The following SH3RF3 variants were observed in gnomAD, a reference collection of about 807,000 sequenced individuals.
SH3RF3 encodes E3 ubiquitin-protein ligase SH3RF3.
Under a neutral mutation model 66.3 loss-of-function variants are expected in SH3RF3, and 29 were observed. The ratio of observed to expected loss-of-function variants is 0.44; its 90% CI spans 0.33 to 0.60. The LOEUF is 0.60. Among genes scored for constraint, SH3RF3 ranks in the 20% least tolerant of loss-of-function variants. The probability of loss-of-function intolerance (pLI) is 0.04; values close to 1 mark genes in which losing one functional copy is unlikely to be tolerated. For missense variants in SH3RF3, 1,194 were observed against 1,190.9 expected (o/e 1.00, Z -0.04); for synonymous variants, 583 against 532.0 (o/e 1.10, Z -1.32).
intron 8 of SH3RF3, among the ~76,000 whole-genome samples, chr2:109,464,824 C>T (rs949524768): frequency 2.0e-5 from 3 of 152,168 alleles, no homozygotes; most frequent in Non-Finnish European, 2.9e-5. Context: ...ACATCATTAC[C>T]CAATGTCCAT....
intron 2 of SH3RF3, among the ~76,000 whole-genome samples, chr2:109,366,071 T>C (rs1331476077): frequency 6.6e-6 from 1 of 152,150 alleles, no homozygotes; most frequent in Non-Finnish European, 1.5e-5. Context: ...ATTTGAAAAA[T>C]AGGAAAGAAA....
At chr2:109,212,302 T>C (rs956173629) in intron 1 of SH3RF3, among the ~76,000 whole-genome samples, 11 of 152,166 alleles carry the variant, frequency 7.2e-5, no homozygotes, top group African/African-American at 2.7e-4. Context: ...GTTGGCTCGC[T>C]ATGGAGGAGG....
chr2:109,379,020 C>CGA (rs1553514167), intron 3 of SH3RF3, among the ~76,000 whole-genome samples: 1 of 152,204 alleles, frequency 6.6e-6, no homozygotes, highest in African/African-American at 2.4e-5. Flanking sequence ...ATCCAGAACT[C>CGA]TGTCTTCTCA....
intron 4 of SH3RF3, among the ~76,000 whole-genome samples, chr2:109,408,601 G>A (rs922268264): frequency 3.3e-5 from 5 of 152,206 alleles, no homozygotes; most frequent in African/African-American, 1.2e-4. Flanking sequence ...GCTTCGCTGC[G>A]GCAAGAGAGT....
chr2:109,489,512 A>G (rs138975482), intron 8 of SH3RF3, among the ~76,000 whole-genome samples: 4,160 of 152,208 alleles, frequency 0.027, 115 homozygotes, highest in African/African-American at 0.067. Flanking sequence ...GGGAGGAGAA[A>G]GCAGATGACA....
chr2:109,380,633 G>A (rs576108756), intron 3 of SH3RF3, among the ~76,000 whole-genome samples: 10 of 152,302 alleles, frequency 6.6e-5, no homozygotes, highest in Middle Eastern at 3.4e-3. Flanking sequence ...AGCCCTGACC[G>A]CAGCCTGAGT....
In SH3RF3 at chr2:109,453,077, C is replaced by G. The variant is rs1677933314; in HGVS notation, c.2148+3588C>G. 2.6e-5 allele frequency among the ~76,000 whole-genome samples: 4 copies of G among 152,306 alleles called. No individual in the cohort carries two copies. In the South Asian group the frequency reaches 8.3e-4, roughly 32 times the overall value. ...GGATTGGGCCTTTGAGCTCTGTTCC[C>G]TGCGTGGCCCGATGTGGTGTGCAGG... On this transcript the variant is annotated intron_variant, in intron 8 of 9. Coordinates refer to ENST00000309415, the MANE Select transcript of SH3RF3 (RefSeq NM_001099289.3).
intron 8 of SH3RF3, among the ~76,000 whole-genome samples, chr2:109,476,995 C>G (rs10195017): frequency 0.025 from 3,776 of 152,280 alleles, 147 homozygotes; most frequent in African/African-American, 0.086. Flanking sequence ...TTACTCCAAG[C>G]TGTTTTATCA....
chr2:109,242,889 A>G (rs58346821), intron 1 of SH3RF3, among the ~76,000 whole-genome samples: 3,054 of 152,312 alleles, frequency 0.02, 111 homozygotes, highest in African/African-American at 0.069. Context: ...GGGAACAGGC[A>G]TCCAAAAACC....
chr2:109,331,446 C>G (rs1238999558), intron 1 of SH3RF3, among the ~76,000 whole-genome samples: 1 of 152,092 alleles, frequency 6.6e-6, no homozygotes, highest in Non-Finnish European at 1.5e-5. Flanking sequence ...TGCAACTTCT[C>G]CCTGCCAGGA....
intron 1 of SH3RF3, among the ~76,000 whole-genome samples, chr2:109,207,684 A>AT (rs905940062): frequency 6.6e-6 from 1 of 152,110 alleles, no homozygotes; most frequent in Non-Finnish European, 1.5e-5. Context: ...TTGGAAAGCT[A>AT]TTTTCACATG....
intron 1 of SH3RF3, among the ~76,000 whole-genome samples, chr2:109,236,503 G>A (rs1679653481): frequency 1.3e-5 from 2 of 152,204 alleles, no homozygotes; most frequent in Non-Finnish European, 2.9e-5. Flanking sequence ...TCTTGGGTCA[G>A]TGCATTGTAG....
intron 8 of SH3RF3, among the ~76,000 whole-genome samples, chr2:109,452,793 GA>G (rs1366392648): frequency 6.6e-6 from 1 of 151,636 alleles, no homozygotes; most frequent in African/African-American, 2.4e-5. Context: ...TGGTCCCTGG[GA>G]GGCTGGTGCT....
chr2:109,431,544 T>C (rs1444550607), intron 5 of SH3RF3, among the ~76,000 whole-genome samples: 1 of 152,328 alleles, frequency 6.6e-6, no homozygotes, highest in Admixed American at 6.5e-5. Flanking sequence ...ATCTAAACCC[T>C]AAGCTGGGAT....
At chr2:109,369,284 G>A (rs1202524886) in intron 2 of SH3RF3, among the ~76,000 whole-genome samples, 3 of 152,174 alleles carry the variant, frequency 2.0e-5, no homozygotes. Context: ...AGGAGGTGGA[G>A]GTTGCAGTGA....
intron 9 of SH3RF3, among the ~76,000 whole-genome samples, chr2:109,500,546 A>C (rs1456212164): frequency 6.6e-6 from 1 of 152,186 alleles, no homozygotes; most frequent in African/African-American, 2.4e-5. Flanking sequence ...GTCTTGTGGA[A>C]ATGAGATGTG....
intron 1 of SH3RF3, among the ~76,000 whole-genome samples, chr2:109,155,331 C>T (rs146182341): frequency 2.3e-3 from 346 of 152,244 alleles, no homozygotes; most frequent in African/African-American, 7.9e-3. Context: ...GATGGAGTCT[C>T]GCTCTGTTGC....
chr2:109,487,779 A>G (rs1230448938), intron 8 of SH3RF3, among the ~76,000 whole-genome samples: 1 of 152,062 alleles, frequency 6.6e-6, no homozygotes, highest in South Asian at 2.1e-4. Flanking sequence ...CAGGGGCCAG[A>G]AGGGCTCTCC....
chr2:109,344,838 C>T (rs1422284977), intron 1 of SH3RF3, among the ~76,000 whole-genome samples: 1 of 152,158 alleles, frequency 6.6e-6, no homozygotes, highest in Admixed American at 6.5e-5. Context: ...GACAGACAGC[C>T]TCTAGGAGCT....
Sources: allele counts gnomAD v4.1 joint callset (sites outside exome capture counted in the v4.1 genomes callset), GRCh38; gene constraint gnomAD v4.1.1; transcripts MANE v1.5; gene names NCBI Gene and HGNC (gene_info 2026-07-23, HGNC 2026-07-21).